PCDH15: variants seen among roughly 807,000 people sequenced by gnomAD.
PCDH15 encodes protocadherin related 15.
In PCDH15, 129 loss-of-function variants were observed where a neutral mutation model predicts 178.5. The observed-to-expected ratio is 0.72, with a 90% CI of 0.63 to 0.84. The LOEUF (loss-of-function observed/expected upper bound fraction) is 0.84, where lower values mean the gene tolerates loss of function less well. Ranked by LOEUF, PCDH15 falls within the 40% of genes least tolerant of loss-of-function variation. The pLI, the probability that PCDH15 is intolerant of heterozygous loss-of-function variation, is 0.00. For missense variants in PCDH15, 2,230 were observed against 2,099.9 expected, an observed-to-expected ratio of 1.06 and a Z score of -1.21; for synonymous variants, 800 against 732.0, an observed-to-expected ratio of 1.09 and a Z score of -1.50.
In PCDH15 at chr10:54,508,682, C is replaced by T. The variant is rs145868225; in HGVS notation, c.157+19130G>A. On this transcript the variant is annotated intron_variant, in intron 3 of 37. Transcript: ENST00000644397. Reference sequence around the variant, plus strand: ...TCATTTATGTACATAACTGAAAGCACAGTGGACATAAAGAGTGTTTGAAGC... The same window carrying T: ...TCATTTATGTACATAACTGAAAGCATAGTGGACATAAAGAGTGTTTGAAGC... Among the ~76,000 whole-genome samples, 20 of 152,188 alleles carry T rather than the reference C, an allele frequency of 1.3e-4. No individual in the cohort carries two copies. The East Asian group carries it at 3.9e-3, about 29-fold the overall frequency.
intron 1 of PCDH15, among the ~76,000 whole-genome samples, chr10:55,203,796 A>G (rs1160744768): frequency 2.0e-5 from 3 of 152,222 alleles, no homozygotes; most frequent in East Asian, 1.9e-4. Context: ...TTCTACCTCT[A>G]TTGTACCAAA....
At chr10:55,341,058 C>A (rs1844543328) in intron 2 of PCDH15, among the ~76,000 whole-genome samples, 1 of 151,852 alleles carries the variant, frequency 6.6e-6, no homozygotes, top group Admixed American at 6.6e-5. Flanking sequence ...TTTTTTAAAT[C>A]ACATCAAAGC....
At chr10:55,386,858 A>G (rs918616951) in intron 2 of PCDH15, among the ~76,000 whole-genome samples, 3 of 152,092 alleles carry the variant, frequency 2.0e-5, no homozygotes, top group Non-Finnish European at 2.9e-5. Context: ...CTAATTTTGG[A>G]GCGATTTCTA....
At chr10:55,506,575 C>T (rs552784434) in intron 2 of PCDH15, among the ~76,000 whole-genome samples, 5 of 151,298 alleles carry the variant, frequency 3.3e-5, no homozygotes, top group African/African-American at 7.3e-5. Context: ...AGTCAGATGA[C>T]GAAGGTGATA....
chr10:53,944,585 TGTGA>T (rs1402922546), intron 23 of PCDH15, among the ~76,000 whole-genome samples: 1 of 152,200 alleles, frequency 6.6e-6, no homozygotes, highest in East Asian at 1.9e-4. Context: ...AACAAATAAT[TGTGA>T]GTGTCTGAAA....
chr10:55,360,424 G>C (rs560134212), intron 2 of PCDH15, among the ~76,000 whole-genome samples: 4 of 151,944 alleles, frequency 2.6e-5, no homozygotes, highest in African/African-American at 7.2e-5. Context: ...ACATAATTAA[G>C]AGACCATTAA....
At chr10:55,264,466 T>C (rs1289848019) in intron 1 of PCDH15, among the ~76,000 whole-genome samples, 1 of 152,032 alleles carries the variant, frequency 6.6e-6, no homozygotes, top group Admixed American at 6.5e-5. Context: ...GCTTCATGGG[T>C]ACGTATCACA....
rs544871469 is a variant in PCDH15, at chr10:54,395,731, G to A, written c.158-16789C>T. ...AATATACTGACTGCCTTATAAGAAT[G>A]TTTTTTCTATCTTGTAATAATACAT... On this transcript the variant is annotated intron_variant, in intron 3 of 37. Coordinates refer to ENST00000644397, the MANE Select transcript of PCDH15 (RefSeq NM_001384140.1). Among the ~76,000 whole-genome samples the A allele has an allele frequency of 1.3e-3, 195 of 151,802 alleles. 1 individual carries two copies. The highest frequency in any genetic ancestry group is 4.6e-3 in the African/African-American group (189 of 41,298).
chr10:55,165,189 C>G (rs1839164704), intron 2 of PCDH15, among the ~76,000 whole-genome samples: 1 of 151,940 alleles, frequency 6.6e-6, no homozygotes, highest in Non-Finnish European at 1.5e-5. Context: ...ATTTTGTATA[C>G]TCAACAAACG....
At chr10:55,462,036 G>GT (rs1239464689) in intron 2 of PCDH15, among the ~76,000 whole-genome samples, 8 of 151,908 alleles carry the variant, frequency 5.3e-5, no homozygotes, top group Non-Finnish European at 1.0e-4. Flanking sequence ...GTTTTGTGGG[G>GT]TTTTTTTACA....
intron 11 of PCDH15, among the ~76,000 whole-genome samples, chr10:54,189,629 C>T (rs556657283): frequency 6.6e-6 from 1 of 152,088 alleles, no homozygotes; most frequent in Non-Finnish European, 1.5e-5. Context: ...AGTAAAATAA[C>T]GTTAAGCAGA....
intron 2 of PCDH15, among the ~76,000 whole-genome samples, chr10:54,579,344 G>A (rs969287702): frequency 6.6e-6 from 1 of 152,048 alleles, no homozygotes; most frequent in African/African-American, 2.4e-5. Flanking sequence ...ACAGTCACTT[G>A]TGTTAGATAA....
chr10:55,182,013 T>C lies in PCDH15; in HGVS notation c.-155-15362A>G, dbSNP rs117624419. ...GAAGTTTTGGTGATTGAGGAGAAGA[T>C]CCAGGGTTTCAACATGATGAACCGT... On this transcript the variant is annotated intron_variant, in intron 1 of 5. Coordinates refer to the PCDH15 transcript ENST00000458638. Among the ~76,000 whole-genome samples the C allele has an allele frequency of 9.6e-3, 1,454 of 152,028 alleles. 14 individuals carry two copies. Among genetic ancestry groups the C allele is most frequent in the Middle Eastern group, 0.027 (8 of 294 alleles).
In PCDH15 at chr10:54,605,358, T is replaced by G. The variant is rs146525712; in HGVS notation, c.91+58814A>C. On this transcript the variant is annotated intron_variant, in intron 2 of 37. Transcript: ENST00000644397. ...CAATAAACTCCCTCAGCTTTCGATT[T>G]TTTTAATTTTGTCTTAAGTTTTAAA... Among the ~76,000 whole-genome samples the G allele has an allele frequency of 7.1e-3, 1,088 of 152,170 alleles. 8 individuals are homozygous for G. Among genetic ancestry groups the G allele is most frequent in the Admixed American group, 0.013 (191 of 15,230 alleles).
At chr10:53,967,411 G>C (rs1181561897) in intron 21 of PCDH15, among the ~76,000 whole-genome samples, 1 of 152,106 alleles carries the variant, frequency 6.6e-6, no homozygotes, top group South Asian at 2.1e-4. Context: ...TGGAACTACA[G>C]GTGCATGCCA....
intron 2 of PCDH15, among the ~76,000 whole-genome samples, chr10:55,363,028 C>T (rs1845267463): frequency 6.6e-6 from 1 of 152,140 alleles, no homozygotes; most frequent in Admixed American, 6.6e-5. Flanking sequence ...ACATTCAAAG[C>T]TGTAAAGCTG....
At chr10:54,307,124 ATATATATATATATATATATATATAT>A (rs2060599899) in intron 8 of PCDH15, among the ~76,000 whole-genome samples, 5 of 67,612 alleles carry the variant, frequency 7.4e-5, no homozygotes, top group African/African-American at 3.2e-4. Flanking sequence ...ATATATATAT[ATATATATATATATATATATATATAT>A]AAAATTGCTT....
intron 2 of PCDH15, among the ~76,000 whole-genome samples, chr10:54,589,522 C>A (rs1045545209): frequency 2.0e-5 from 3 of 152,072 alleles, no homozygotes; most frequent in African/African-American, 7.2e-5. Flanking sequence ...TGTTTATTAA[C>A]TTATTTGTTA....
chr10:54,697,678 A>AGGG (rs1430883655), intron 1 of PCDH15, among the ~76,000 whole-genome samples: 1 of 99,540 alleles, frequency 1.0e-5, no homozygotes, highest in Non-Finnish European at 2.0e-5. Flanking sequence ...GGGAAGGGGA[A>AGGG]GGGAGGAAGG....
Sources: gnomAD v4.1 joint callset for allele counts (sites outside exome capture counted in the v4.1 genomes callset) on GRCh38, gnomAD v4.1.1 for gene constraint, MANE v1.5 for transcripts, NCBI Gene and HGNC (gene_info 2026-07-23, HGNC 2026-07-21) for gene names.